Variants in DNAJC6 observed in about 807,000 individuals in gnomAD.
DNAJC6 encodes auxilin.
A neutral mutation model predicts 110.0 loss-of-function variants in DNAJC6; 34 were observed. The ratio of observed to expected loss-of-function variants is 0.31; its 90% CI spans 0.24 to 0.41. DNAJC6 has a LOEUF of 0.41. Among genes scored for constraint, DNAJC6 ranks in the 10% least tolerant of loss-of-function variants. The pLI, the probability that DNAJC6 is intolerant of heterozygous loss-of-function variation, is 1.00. For synonymous variants in DNAJC6, 406 were observed against 437.2 expected, an observed-to-expected ratio of 0.93 and a Z score of 0.89; for missense variants, 1,031 against 1,207.8, an observed-to-expected ratio of 0.85 and a Z score of 2.17.
chr1:65,336,146 G>A (rs6660739), intron 1 of DNAJC6, among the ~76,000 whole-genome samples: 14,811 of 152,186 alleles, frequency 0.097, 924 homozygotes, highest in Non-Finnish European at 0.14. Context: ...GCATGGCTAG[G>A]GAGGCTGCAG....
At chr1:65,301,722 C>G (rs80292883) in intron 1 of DNAJC6, among the ~76,000 whole-genome samples, 10,744 of 152,162 alleles carry the variant, frequency 0.071, 638 homozygotes, top group East Asian at 0.23. Context: ...CAAACCCTGT[C>G]CTCTTGGGCC....
chr1:65,288,488 G>A (rs958522550), intron 1 of DNAJC6, among the ~76,000 whole-genome samples: 1 of 152,092 alleles, frequency 6.6e-6, no homozygotes, highest in Non-Finnish European at 1.5e-5. Flanking sequence ...GCTAAACATC[G>A]GTTTCAGAAT....
At chr1:65,299,430 G>A (rs1425631916) in intron 1 of DNAJC6, among the ~76,000 whole-genome samples, 3 of 152,202 alleles carry the variant, frequency 2.0e-5, no homozygotes, top group Non-Finnish European at 2.9e-5. Context: ...AGAGTCAGGG[G>A]TCCACAGCTC....
intron 1 of DNAJC6, among the ~76,000 whole-genome samples, chr1:65,278,767 C>G (rs1417883469): frequency 6.6e-6 from 1 of 152,140 alleles, no homozygotes; most frequent in African/African-American, 2.4e-5. Flanking sequence ...GGAAAAATTA[C>G]CTGGGGACTG....
intron 1 of DNAJC6, among the ~76,000 whole-genome samples, chr1:65,357,038 A>T (rs988366000): frequency 1.3e-5 from 2 of 152,160 alleles, no homozygotes; most frequent in African/African-American, 4.8e-5. Flanking sequence ...ACAAAGAAGG[A>T]TGATGAAGCC....
intron 1 of DNAJC6, among the ~76,000 whole-genome samples, chr1:65,275,082 T>C (rs971071688): frequency 1.3e-5 from 2 of 152,222 alleles, no homozygotes; most frequent in African/African-American, 4.8e-5. Context: ...TAATTATACA[T>C]TTATTAAAGC....
chr1:65,379,678 A>G (rs1172041124), intron 5 of DNAJC6, 154 bp downstream of exon 5: 4 of 1,147,720 alleles, frequency 3.5e-6, no homozygotes, highest in Non-Finnish European at 4.9e-6. Flanking sequence ...AAAATAAGAA[A>G]GGGATTTATT....
At chr1:65,387,045 A>C in intron 8 of DNAJC6, 116 bp downstream of exon 8, 3 of 878,680 alleles carry the variant, frequency 3.4e-6, no homozygotes, top group Non-Finnish European at 5.5e-6. Context: ...TAGAATGAAA[A>C]AGAGCGTTTA....
chr1:65,286,717 G>A (rs1255086412), intron 1 of DNAJC6, among the ~76,000 whole-genome samples: 1 of 152,152 alleles, frequency 6.6e-6, no homozygotes, highest in Admixed American at 6.5e-5. Flanking sequence ...TACGAAACAG[G>A]TTACTAATAC....
At chr1:65,311,223 T>G (rs1016972978) in intron 1 of DNAJC6, among the ~76,000 whole-genome samples, 2 of 132,468 alleles carry the variant, frequency 1.5e-5, no homozygotes, top group Non-Finnish European at 1.6e-5. Context: ...CTGTTTTTTT[T>G]TTTTTTTTTT....
chr1:65,396,210 G>A (rs2101620096), intron 13 of DNAJC6, among the ~76,000 whole-genome samples: 1 of 152,286 alleles, frequency 6.6e-6, no homozygotes, highest in South Asian at 2.1e-4. Context: ...TTACCTCTGA[G>A]TCATGCTCAC....
chr1:65,334,831 G>A (rs1645320197), intron 1 of DNAJC6, among the ~76,000 whole-genome samples: 1 of 152,166 alleles, frequency 6.6e-6, no homozygotes, highest in African/African-American at 2.4e-5. Flanking sequence ...CTCCCATGCT[G>A]TAAAATGATG....
chr1:65,271,517 T>G (rs1017123435), intron 1 of DNAJC6, among the ~76,000 whole-genome samples: 4 of 152,156 alleles, frequency 2.6e-5, no homozygotes, highest in African/African-American at 4.8e-5. Context: ...GATATTTGAC[T>G]CTCTGTGGCA....
At chr1:65,275,187 A>AT (rs1211083073) in intron 1 of DNAJC6, among the ~76,000 whole-genome samples, 1 of 151,910 alleles carries the variant, frequency 6.6e-6, no homozygotes, top group African/African-American at 2.4e-5. Context: ...TTTCTTTCGG[A>AT]TTTTTTGTGT....
At chr1:65,306,029 T>C (rs1322448683), upstream of DNAJC6, among the ~76,000 whole-genome samples, 1 of 151,662 alleles carries the variant, frequency 6.6e-6, no homozygotes, top group Non-Finnish European at 1.5e-5. Flanking sequence ...CCCAAAGTCA[T>C]AGAGCCAGGA....
rs187419823 is a variant in DNAJC6 at position 65,269,946 on chromosome 1, A to G, written c.-131+5014A>G. ...AGCTCATGTCCTGTGCAATTTTCAAATGTTTTGCTGAAGATGTAGTAAAAC... is the reference window on the plus strand; with the variant it reads ...AGCTCATGTCCTGTGCAATTTTCAAGTGTTTTGCTGAAGATGTAGTAAAAC... On this transcript the variant is annotated intron_variant, in intron 1 of 19. Transcript: ENST00000263441. 3.7e-3 allele frequency among the ~76,000 whole-genome samples: 565 copies of G among 152,334 alleles called. 2 individuals carry two copies. The highest frequency in any genetic ancestry group is 0.013 in the African/African-American group (533 of 41,570).
At chr1:65,363,577 T>C (rs537726284) in intron 1 of DNAJC6, among the ~76,000 whole-genome samples, 1 of 152,024 alleles carries the variant, frequency 6.6e-6, no homozygotes, top group East Asian at 1.9e-4. Context: ...CAACCAGGGG[T>C]GATTTTGCCT....
chr1:65,269,820 T>C (rs1448537053), intron 1 of DNAJC6, among the ~76,000 whole-genome samples: 1 of 152,188 alleles, frequency 6.6e-6, no homozygotes, highest in African/African-American at 2.4e-5. Flanking sequence ...TCTGCAGGTA[T>C]GTTATTTGAT....
intron 1 of DNAJC6, among the ~76,000 whole-genome samples, chr1:65,288,197 A>C (rs890557618): frequency 3.9e-5 from 6 of 152,168 alleles, no homozygotes; most frequent in African/African-American, 1.4e-4. Context: ...TTGCCATCAA[A>C]TCCTGAGTCC....
Sources: gnomAD v4.1 joint callset for allele counts (sites outside exome capture counted in the v4.1 genomes callset) on GRCh38, gnomAD v4.1.1 for gene constraint, MANE v1.5 for transcripts, NCBI Gene and HGNC (gene_info 2026-07-23, HGNC 2026-07-21) for gene names.